The following NTN4 variants were observed in gnomAD, a reference collection of about 807,000 sequenced individuals.
NTN4 encodes netrin 4, also known as netrin-4.
NTN4 carries 32 observed loss-of-function variants against 73.6 expected under a neutral mutation model. That is an observed-to-expected ratio of 0.44 (90% confidence interval 0.33 to 0.58). The LOEUF is 0.58. NTN4 is among the 20% of genes least tolerant of loss of function. The pLI is 0.04. For missense variants in NTN4, 654 were observed against 798.3 expected (o/e 0.82, Z 2.18); for synonymous variants, 258 against 287.5 (o/e 0.90, Z 1.04).
At chr12:95,754,618 C>T (rs541336882) in intron 2 of NTN4, among the ~76,000 whole-genome samples, 6 of 152,262 alleles carry the variant, frequency 3.9e-5, no homozygotes, top group Non-Finnish European at 7.4e-5. Flanking sequence ...CCTGCCCCAC[C>T]TTAACTGAGT....
Position 95,787,343 on chromosome 12 carries a change from AC to A in NTN4, c.180del (p.Tyr61ThrfsTer10). ...TCCGTGTTCTCACTGTAGAAGCAGTACAGTTCGGTAGCATTCTGACCGCAGG... is the reference window on the plus strand; with the variant it reads ...TCCGTGTTCTCACTGTAGAAGCAGTAAGTTCGGTAGCATTCTGACCGCAGG... ...DTTCGQNATE[L>X]YCFYSENTDL... On this transcript the variant is annotated frameshift_variant, in exon 2 of 10. Transcript: ENST00000343702. LOFTEE classifies it high-confidence loss of function. The A allele has an allele frequency of 1.2e-6, 2 of 1,614,236 alleles. No homozygotes were observed. The highest frequency in any genetic ancestry group is 1.7e-6 in the Non-Finnish European group (2 of 1,180,046).
chr12:95,673,628 TAAA>T (rs3051520), intron 7 of NTN4: 10 of 151,590 alleles, frequency 6.6e-5, no homozygotes, highest in South Asian at 4.2e-4. Flanking sequence ...TTTACTTTTA[TAAA>T]AAAAAAAAAG....
intron 3 of NTN4, among the ~76,000 whole-genome samples, chr12:95,717,749 G>A (rs1329501667): frequency 1.3e-5 from 2 of 151,888 alleles, no homozygotes; most frequent in Non-Finnish European, 2.9e-5. Context: ...ACTAGATAAG[G>A]AGCAGGAAAA....
rs1380421960 is a variant in NTN4 at position 95,790,415 on chromosome 12, T to C, written c.-106A>G. 1 of 989,204 alleles carries C rather than the reference T, an allele frequency of 1.0e-6. No individual in the cohort carries two copies. The highest frequency in any genetic ancestry group is 3.3e-5 in the East Asian group (1 of 30,694). The allele number at this position is 989,204 out of a possible 1,614,324, so 61.3% of individuals were successfully genotyped here. A position where few individuals can be genotyped will look rare whatever the true frequency, so the allele number is the denominator to read the frequency against. The stretch of plus-strand genomic sequence containing the variant: ...CCGTCCTCGGGAGGGAACGGGGCCC[T>C]GGTTTCTTCCTCCTCCTGGGGCGCC... On this transcript the variant is annotated 5_prime_UTR_variant, in exon 1 of 10. Transcript: ENST00000343702. The surrounding 1 kb of genome is among the most constrained non-coding windows in gnomAD (Gnocchi z 6.5).
At chr12:95,782,115 C>T (rs1194889263) in intron 2 of NTN4, among the ~76,000 whole-genome samples, 1 of 152,154 alleles carries the variant, frequency 6.6e-6, no homozygotes, top group African/African-American at 2.4e-5. Context: ...TCCTCATCCC[C>T]TGCCCAAGGC....
chr12:95,711,286 A>G (rs1255274238), intron 4 of NTN4, among the ~76,000 whole-genome samples: 1 of 151,912 alleles, frequency 6.6e-6, no homozygotes, highest in African/African-American at 2.4e-5. Context: ...GGGCAGAGAT[A>G]TTATGATGAA....
At chr12:95,668,930 C>T (rs2078204446) in intron 8 of NTN4, among the ~76,000 whole-genome samples, 1 of 152,220 alleles carries the variant, frequency 6.6e-6, no homozygotes, top group Non-Finnish European at 1.5e-5. Context: ...TCGAGACCAG[C>T]CTGACCAACA....
chr12:95,725,124 A>C (rs1012189004), intron 3 of NTN4, among the ~76,000 whole-genome samples: 4 of 151,752 alleles, frequency 2.6e-5, no homozygotes, highest in Admixed American at 2.0e-4. Flanking sequence ...TAATTTTAAT[A>C]ATTTTAGAAA....
chr12:95,744,961 A>C (rs1215923977), intron 2 of NTN4, among the ~76,000 whole-genome samples: 2 of 151,896 alleles, frequency 1.3e-5, no homozygotes, highest in Non-Finnish European at 2.9e-5. Flanking sequence ...GCACTTTAAA[A>C]GTTTCTGCCT....
rs1277380066 is a variant in NTN4 at position 95,781,001 on chromosome 12, G to A, written c.585+5938C>T. ...TTGATGAGTTCATGTCCTTTGTAGGGACATGGATGAAGCTGGAAACCATCA... is the reference window on the plus strand; with the variant it reads ...TTGATGAGTTCATGTCCTTTGTAGGAACATGGATGAAGCTGGAAACCATCA... On this transcript the variant is annotated intron_variant, in intron 2 of 9. Coordinates refer to ENST00000343702, the MANE Select transcript of NTN4 (RefSeq NM_021229.4). This position sits in a 1 kb window ranked among gnomAD's most constrained non-coding sequence, Gnocchi z 4.1. Among the ~76,000 whole-genome samples the A allele has an allele frequency of 1.3e-5, 2 of 152,124 alleles. No homozygotes were observed. The highest frequency in any genetic ancestry group is 1.5e-5 in the Non-Finnish European group (1 of 68,032).
intron 2 of NTN4, among the ~76,000 whole-genome samples, chr12:95,759,701 A>G (rs778600056): frequency 6.6e-6 from 1 of 152,062 alleles, no homozygotes; most frequent in Admixed American, 6.5e-5. Context: ...ACCTCAAGTG[A>G]TCCACCTGCC....
intron 9 of NTN4, among the ~76,000 whole-genome samples, chr12:95,664,243 A>G (rs1191070059): frequency 6.6e-6 from 1 of 151,984 alleles, no homozygotes; most frequent in African/African-American, 2.4e-5. Flanking sequence ...TTTTTTGTGG[A>G]TACTGGGTCT....
At chr12:95,765,896 C>T (rs2079018152) in intron 2 of NTN4, among the ~76,000 whole-genome samples, 1 of 152,052 alleles carries the variant, frequency 6.6e-6, no homozygotes, top group African/African-American at 2.4e-5. Flanking sequence ...TTTGAGTGTG[C>T]AATGAGAGAG....
Position 95,681,570 on chromosome 12 carries a change from C to T in NTN4, c.1510+1137G>A, listed in dbSNP as rs1056576696. ...AGCACTTTATAGCCAAGTGTTGACG[C>T]AATATTTCATGCCCACATTTGAGTT... On this transcript the variant is annotated intron_variant, in intron 7 of 9. Coordinates refer to ENST00000343702, the MANE Select transcript of NTN4 (RefSeq NM_021229.4). Among the ~76,000 whole-genome samples the T allele has an allele frequency of 5.3e-5, 8 of 152,272 alleles. No homozygotes were observed. In the East Asian group the frequency reaches 1.5e-3, roughly 29 times the overall value.
At chr12:95,689,629 A>T (rs1404199765) in intron 5 of NTN4, among the ~76,000 whole-genome samples, 1 of 152,168 alleles carries the variant, frequency 6.6e-6, no homozygotes, top group Non-Finnish European at 1.5e-5. Context: ...TTGACATACA[A>T]TGATATTCAG....
intron 2 of NTN4, among the ~76,000 whole-genome samples, chr12:95,753,117 C>T (rs1385707435): frequency 2.0e-5 from 3 of 152,140 alleles, no homozygotes; most frequent in Non-Finnish European, 4.4e-5. Context: ...CTTTCCTGTT[C>T]CTCACCCTGA....
intron 5 of NTN4, among the ~76,000 whole-genome samples, chr12:95,708,981 A>G (rs920810192): frequency 2.0e-5 from 3 of 152,178 alleles, no homozygotes; most frequent in Non-Finnish European, 4.4e-5. Flanking sequence ...GGATGCTGGG[A>G]GAAATATTAT....
chr12:95,706,283 C>G (rs530080831), intron 5 of NTN4, among the ~76,000 whole-genome samples: 1 of 51,526 alleles, frequency 1.9e-5, no homozygotes, highest in South Asian at 8.5e-4. Flanking sequence ...GAACATAGAA[C>G]AGTAACAAAA....
At chr12:95,778,678 C>T (rs1424466642) in intron 2 of NTN4, among the ~76,000 whole-genome samples, 1 of 152,052 alleles carries the variant, frequency 6.6e-6, no homozygotes, top group Non-Finnish European at 1.5e-5. Flanking sequence ...AATAGCTTAC[C>T]AACCAAAAAA....
Sources: gnomAD v4.1 joint callset for allele counts (sites outside exome capture counted in the v4.1 genomes callset) on GRCh38, gnomAD v4.1.1 for gene constraint, Gnocchi (gnomAD v3.1) non-coding constraint, MANE v1.5 for transcripts, NCBI Gene and HGNC (gene_info 2026-07-23, HGNC 2026-07-21) for gene names.